The following USO1 variants were observed in gnomAD, a reference collection of about 807,000 sequenced individuals.
The protein encoded by USO1 is USO1 vesicle transport factor.
In USO1, 57 loss-of-function variants were observed where a neutral mutation model predicts 124.5. The observed-to-expected ratio is 0.46, with a 90% CI of 0.37 to 0.57. USO1 has a LOEUF of 0.57. USO1 is among the 20% of genes least tolerant of loss of function. The probability of loss-of-function intolerance (pLI) is 0.00; values close to 1 mark genes in which losing one functional copy is unlikely to be tolerated. For missense variants in USO1, 900 were observed against 1,040.6 expected, an observed-to-expected ratio of 0.86 and a Z score of 1.86; for synonymous variants, 369 against 362.8, an observed-to-expected ratio of 1.02 and a Z score of -0.19.
At chr4:75,777,465 A>G (rs748026708) in intron 8 of USO1, among the ~76,000 whole-genome samples, 39 of 152,208 alleles carry the variant, frequency 2.6e-4, no homozygotes, top group Admixed American at 1.3e-3. Flanking sequence ...CTTGTATCTA[A>G]AATATATTTA....
At chr4:75,790,536 G>C in intron 11 of USO1, 107 bp from the exon 12 acceptor site, 1 of 1,445,444 alleles carries the variant, frequency 6.9e-7, no homozygotes, top group Non-Finnish European at 9.1e-7. Context: ...TACTTAACTT[G>C]CTGGTGTTCT....
At chr4:75,766,155 A>G (rs1375597936) in intron 4 of USO1, among the ~76,000 whole-genome samples, 3 of 152,156 alleles carry the variant, frequency 2.0e-5, no homozygotes, top group Admixed American at 6.5e-5. Flanking sequence ...TATAACTTTT[A>G]TGAGAAAGAG....
chr4:75,759,455 G>A lies in USO1; in HGVS notation c.295+1882G>A, dbSNP rs372823354. ...CTAAAAATACAAAAATTAGCTGGGCGTGGTCGCACACACCTGTAATCCCAA... is the reference window on the plus strand; with the variant it reads ...CTAAAAATACAAAAATTAGCTGGGCATGGTCGCACACACCTGTAATCCCAA... On this transcript the variant is annotated intron_variant, in intron 4 of 23. Coordinates refer to ENST00000514213, the MANE Select transcript of USO1 (RefSeq NM_003715.4). 6.0e-5 allele frequency among the ~76,000 whole-genome samples: 9 copies of A among 150,532 alleles called. No individual in the cohort carries two copies. In the South Asian group the frequency reaches 6.3e-4, roughly 11 times the overall value.
intron 8 of USO1, among the ~76,000 whole-genome samples, chr4:75,780,640 CTT>C (rs71210204): frequency 0.011 from 627 of 59,112 alleles, no homozygotes; most frequent in African/African-American, 0.019. Flanking sequence ...TAAATTTTGA[CTT>C]TTTTTTTTTT....
Position 75,724,650 on chromosome 4 carries a change from C to G in USO1, c.-170C>G, listed in dbSNP as rs1052575427. 5.8e-5 allele frequency: 36 copies of G among 620,320 alleles called. 1 individual carries two copies. The highest frequency in any genetic ancestry group is 8.8e-4 in the Middle Eastern group (2 of 2,284). The allele number at this position is 620,320 out of a possible 1,614,324, so 38.4% of individuals were successfully genotyped here. On this transcript the variant is annotated 5_prime_UTR_variant, in exon 1 of 24. Transcript: ENST00000514213. Reference sequence around the variant, plus strand: ...GCATGCGCATCTTGGCCGCTGCTGGCGGCTGTTTCCGGGCTTAGAGGGCTG... The same window carrying G: ...GCATGCGCATCTTGGCCGCTGCTGGGGGCTGTTTCCGGGCTTAGAGGGCTG...
intron 8 of USO1, among the ~76,000 whole-genome samples, chr4:75,779,400 C>T (rs1722158676): frequency 2.6e-5 from 4 of 152,170 alleles, no homozygotes; most frequent in African/African-American, 9.7e-5. Context: ...AAAGCTGAGG[C>T]CAAAAGCTAG....
Position 75,800,420 on chromosome 4 carries a change from T to G in USO1, c.1633T>G (p.Leu545Val). The change falls in exon 15 of 24, where the codon TTG becomes GTG. Residue 545 changes from leucine to valine, a missense_variant. Leu to Val is a conservative substitution (Grantham distance 32). Coordinates refer to ENST00000514213, the MANE Select transcript of USO1 (RefSeq NM_003715.4). ...GGTCCAAGGCTTATGTGCCCTTTTGTTGGGCATTTCGATTTATTTCAATGA... is the reference window on the plus strand; with the variant it reads ...GGTCCAAGGCTTATGTGCCCTTTTGGTGGGCATTTCGATTTATTTCAATGA... ...QLVQGLCALL[L>V]GISIYFNDNS... 6.3e-6 allele frequency: 10 copies of G among 1,597,636 alleles called. No homozygotes were observed. The highest frequency in any genetic ancestry group is 8.5e-6 in the Non-Finnish European group (10 of 1,171,464).
chr4:75,725,848 T>G (rs1720424021), intron 1 of USO1, among the ~76,000 whole-genome samples: 1 of 152,158 alleles, frequency 6.6e-6, no homozygotes. Flanking sequence ...GATAATATAG[T>G]AGCTTTCATT....
intron 1 of USO1, among the ~76,000 whole-genome samples, chr4:75,730,514 A>G (rs949028750): frequency 2.6e-5 from 4 of 152,018 alleles, no homozygotes; most frequent in Admixed American, 2.6e-4. Context: ...TTAGGGAAAA[A>G]TTGTCCAAGA....
intron 12 of USO1, among the ~76,000 whole-genome samples, chr4:75,792,724 C>T (rs545726386): frequency 2.0e-5 from 3 of 152,040 alleles, no homozygotes; most frequent in Admixed American, 6.6e-5. Flanking sequence ...AAAATATACA[C>T]TTATTTTTTA....
At chr4:75,810,325 T>C in intron 21 of USO1, 107 bp from the exon 22 acceptor site, 3 of 1,227,226 alleles carry the variant, frequency 2.4e-6, no homozygotes, top group Non-Finnish European at 3.3e-6. Flanking sequence ...TATTTTCTGT[T>C]AGTGAAAGTA....
chr4:75,726,252 G>C (rs928031862), intron 1 of USO1, among the ~76,000 whole-genome samples: 3 of 138,918 alleles, frequency 2.2e-5, no homozygotes, highest in African/African-American at 8.5e-5. Context: ...TTGCACTCTA[G>C]CCTGGGCAAC....
chr4:75,803,449 AC>A (rs1476703128), intron 17 of USO1, among the ~76,000 whole-genome samples: 2 of 151,902 alleles, frequency 1.3e-5, no homozygotes, highest in Non-Finnish European at 2.9e-5. Context: ...GGAGTTTGAG[AC>A]CAGCCTGGCC....
chr4:75,787,554 G>A (rs1180105453), intron 10 of USO1, among the ~76,000 whole-genome samples: 1 of 152,148 alleles, frequency 6.6e-6, no homozygotes, highest in Non-Finnish European at 1.5e-5. Flanking sequence ...TCATTGAATA[G>A]TAAATTCTTT....
intron 17 of USO1, among the ~76,000 whole-genome samples, chr4:75,801,834 G>C (rs1395861060): frequency 6.6e-6 from 1 of 152,040 alleles, no homozygotes; most frequent in African/African-American, 2.4e-5. Flanking sequence ...TTTGTTTTTT[G>C]TTTAGACAGA....
intron 8 of USO1, among the ~76,000 whole-genome samples, chr4:75,775,547 A>G (rs1381275153): frequency 6.6e-6 from 1 of 152,144 alleles, no homozygotes; most frequent in African/African-American, 2.4e-5. Flanking sequence ...TCAAAAAAAT[A>G]AAAAGGGGGA....
chr4:75,774,890 C>CTTAT (rs1722031860), intron 8 of USO1, 94 bp downstream of exon 8: 1 of 1,433,776 alleles, frequency 7.0e-7, no homozygotes, highest in Admixed American at 2.6e-5. Flanking sequence ...AATGGGGACT[C>CTTAT]TTATTTATAC....
chr4:75,797,458 C>A (rs547606407), intron 13 of USO1, among the ~76,000 whole-genome samples: 1 of 115,204 alleles, frequency 8.7e-6, no homozygotes, highest in South Asian at 3.3e-4. Context: ...CCTGCTTGTT[C>A]GTGATCCATT....
At chr4:75,758,224 A>G (rs1273324779) in intron 4 of USO1, among the ~76,000 whole-genome samples, 1 of 152,196 alleles carries the variant, frequency 6.6e-6, no homozygotes, top group African/African-American at 2.4e-5. Flanking sequence ...TTTGTTCTAT[A>G]TGTTGCAAAA....
Sources: allele counts gnomAD v4.1 joint callset (sites outside exome capture counted in the v4.1 genomes callset), GRCh38; gene constraint gnomAD v4.1.1; transcripts MANE v1.5; gene names NCBI Gene and HGNC (gene_info 2026-07-23, HGNC 2026-07-21).